The following LUC7L2 variants were observed in gnomAD, a reference collection of about 807,000 sequenced individuals.
The protein encoded by LUC7L2 is LUC7 like 2, pre-mRNA splicing factor.
In LUC7L2, 25 loss-of-function variants were observed where a neutral mutation model predicts 52.8. That is an observed-to-expected ratio of 0.47 (90% CI 0.34 to 0.66). The LOEUF is 0.66. Among genes scored for constraint, LUC7L2 ranks in the 30% least tolerant of loss-of-function variants. The pLI is 0.01. For missense variants in LUC7L2, 328 were observed against 497.8 expected (o/e 0.66, Z 3.25); for synonymous variants, 144 against 160.9 (o/e 0.89, Z 0.80).
intron 2 of LUC7L2, among the ~76,000 whole-genome samples, chr7:139,380,229 A>G (rs1800930423): frequency 1.3e-5 from 2 of 152,168 alleles, no homozygotes; most frequent in African/African-American, 4.8e-5. Context: ...CAGAGGATCA[A>G]AATAATTATA....
Position 139,405,810 on chromosome 7 carries a change from C to T in LUC7L2, c.510+23C>T, listed in dbSNP as rs186581982. 224 of 1,570,388 alleles carry T rather than the reference C, an allele frequency of 1.4e-4. 3 individuals carry two copies. The South Asian group carries it at 2.2e-3, about 15-fold the overall frequency. ...GAGGTAAATTCTTAATAGTAGTAGA[C>T]GAATTCTGCTTAATTTGGTAAGACT... On this transcript the variant is annotated intron_variant, in intron 5 of 9. Transcript: ENST00000354926.
intron 3 of LUC7L2, among the ~76,000 whole-genome samples, chr7:139,400,547 A>G (rs187112374): frequency 1.9e-3 from 285 of 152,202 alleles, no homozygotes; most frequent in Non-Finnish European, 3.2e-3. Flanking sequence ...CATTAGTTCT[A>G]AACGCTTTTC....
intron 1 of LUC7L2, among the ~76,000 whole-genome samples, chr7:139,340,781 CTT>C (rs1389570696): frequency 6.6e-6 from 1 of 151,116 alleles, no homozygotes; most frequent in Non-Finnish European, 1.5e-5. Context: ...TGGCCTGTGA[CTT>C]TTGTCCTTTT....
At chr7:139,407,444 A>C in intron 6 of LUC7L2, 94 bp downstream of exon 6, 4 of 1,371,530 alleles carry the variant, frequency 2.9e-6, no homozygotes, top group Non-Finnish European at 3.9e-6. Flanking sequence ...TGATTCAGTA[A>C]TATAGTATCT....
At chr7:139,419,503 A>T (rs532647283) in intron 9 of LUC7L2, among the ~76,000 whole-genome samples, 5 of 152,336 alleles carry the variant, frequency 3.3e-5, no homozygotes, top group Admixed American at 6.5e-5. Context: ...AGCATTTTTT[A>T]AAAGTTACCT....
chr7:139,375,645 A>G, intron 1 of LUC7L2: 1 of 976,888 alleles, frequency 1.0e-6, no homozygotes, highest in Non-Finnish European at 1.2e-6. Flanking sequence ...AAAATATATC[A>G]ATGCTTAGTG....
chr7:139,389,593 CT>C (rs1794342336), intron 2 of LUC7L2, among the ~76,000 whole-genome samples: 1 of 152,086 alleles, frequency 6.6e-6, no homozygotes, highest in African/African-American at 2.4e-5. Flanking sequence ...AGATAGCCCT[CT>C]TTTGTGAATT....
At chr7:139,373,876 G>C (rs1296386897) in intron 1 of LUC7L2, among the ~76,000 whole-genome samples, 2 of 152,112 alleles carry the variant, frequency 1.3e-5, no homozygotes, top group Non-Finnish European at 2.9e-5. Context: ...GATACTTTTA[G>C]CAGGAAGACT....
At chr7:139,367,023 G>C (rs879800432) in intron 1 of LUC7L2, among the ~76,000 whole-genome samples, 1 of 151,740 alleles carries the variant, frequency 6.6e-6, no homozygotes, top group African/African-American at 2.4e-5. Context: ...TCTCCCAGGC[G>C]TGAAATGCAG....
At chr7:139,385,106 T>C (rs1794135714) in intron 2 of LUC7L2, among the ~76,000 whole-genome samples, 1 of 152,182 alleles carries the variant, frequency 6.6e-6, no homozygotes, top group Non-Finnish European at 1.5e-5. Flanking sequence ...ATTACTTGTA[T>C]TAATAAGTAC....
At chr7:139,385,517 C>G (rs1012043646) in intron 2 of LUC7L2, among the ~76,000 whole-genome samples, 2 of 151,908 alleles carry the variant, frequency 1.3e-5, no homozygotes, top group Non-Finnish European at 2.9e-5. Flanking sequence ...GAGAGACTCT[C>G]GCCATGCTGT....
At chr7:139,357,748 A>G (rs1029927599), upstream of LUC7L2, among the ~76,000 whole-genome samples, 2 of 151,386 alleles carry the variant, frequency 1.3e-5, no homozygotes, top group African/African-American at 4.9e-5. Flanking sequence ...CTGGAGTGCA[A>G]TGGCGCGATC....
intron 8 of LUC7L2, 107 bp from the exon 9 acceptor site, chr7:139,417,431 T>C (rs1795671227): frequency 2.2e-5 from 30 of 1,354,844 alleles, no homozygotes; most frequent in Non-Finnish European, 3.0e-5. Context: ...GGAATATAAT[T>C]GACATTAAGA....
chr7:139,340,548 T>C (rs561064025), intron 1 of LUC7L2: 26 of 398,352 alleles, frequency 6.5e-5, no homozygotes, highest in Middle Eastern at 1.3e-3. Flanking sequence ...ATGTGGACTT[T>C]TGTTCTCTAA....
chr7:139,394,774 A>G (rs1256173787), intron 2 of LUC7L2, among the ~76,000 whole-genome samples: 1 of 152,222 alleles, frequency 6.6e-6, no homozygotes, highest in African/African-American at 2.4e-5. Context: ...TAGTACTGAA[A>G]TAACCGGAAC....
At chr7:139,360,709 C>G (rs757986941) in intron 1 of LUC7L2, among the ~76,000 whole-genome samples, 2 of 152,142 alleles carry the variant, frequency 1.3e-5, no homozygotes, top group African/African-American at 2.4e-5. Context: ...TAACCCAGAG[C>G]TTTGGGATCA....
chr7:139,349,235 GTTTGTT>G (rs1019831011), intron 1 of LUC7L2, among the ~76,000 whole-genome samples: 1 of 152,134 alleles, frequency 6.6e-6, no homozygotes, highest in Non-Finnish European at 1.5e-5. Context: ...AAATCTTACT[GTTTGTT>G]TTTATCTTTT....
chr7:139,405,911 A>G, intron 5 of LUC7L2, 124 bp downstream of exon 5: 1 of 1,346,226 alleles, frequency 7.4e-7, no homozygotes, highest in Non-Finnish European at 9.7e-7. Flanking sequence ...AAATTATTGA[A>G]CAGTTGTTAA....
At chr7:139,352,454 C>T (rs774802005) in intron 1 of LUC7L2, among the ~76,000 whole-genome samples, 2 of 152,144 alleles carry the variant, frequency 1.3e-5, no homozygotes, top group Admixed American at 6.5e-5. Context: ...GCCATGTTTG[C>T]GCCACTGCAT....
Sources: gnomAD v4.1 joint callset for allele counts (sites outside exome capture counted in the v4.1 genomes callset) on GRCh38, gnomAD v4.1.1 for gene constraint, MANE v1.5 for transcripts, NCBI Gene and HGNC (gene_info 2026-07-23, HGNC 2026-07-21) for gene names.